The following NSD1 variants were observed in gnomAD, a reference collection of about 807,000 sequenced individuals.
NSD1 encodes histone-lysine N-methyltransferase, H3 lysine-36 specific.
A neutral mutation model predicts 242.7 loss-of-function variants in NSD1; 26 were observed. The observed-to-expected ratio is 0.11, with a 90% confidence interval of 0.08 to 0.15. NSD1 has a LOEUF of 0.15. NSD1 is among the 10% of genes least tolerant of loss of function. The pLI is 1.00. For missense variants in NSD1, 2,495 were observed against 3,272.8 expected, an observed-to-expected ratio of 0.76 and a Z score of 5.80; for synonymous variants, 1,106 against 1,178.1, an observed-to-expected ratio of 0.94 and a Z score of 1.25.
chr5:177,215,535 A>T (rs1763704590), intron 5 of NSD1, among the ~76,000 whole-genome samples: 1 of 151,326 alleles, frequency 6.6e-6, no homozygotes. Context: ...GGGTAATTCT[A>T]CTTTTATTTT....
rs781733294 is a variant in NSD1, at chr5:177,238,194, A to C, written c.3922-43A>C. 6.2e-7 allele frequency: 1 copy of C among 1,610,850 alleles called. No homozygotes were observed. The highest frequency in any genetic ancestry group is 8.5e-7 in the Non-Finnish European group (1 of 1,177,250). ...TATTCTTTTTGACACTTAAATTACA[A>C]CAATTTTGGCCTGTGGACTCTATTT... On this transcript the variant is annotated intron_variant, in intron 6 of 22. Coordinates refer to ENST00000439151, the MANE Select transcript of NSD1 (RefSeq NM_022455.5). The surrounding 1 kb of genome is among the most constrained non-coding windows in gnomAD (Gnocchi z 4.6).
chr5:177,181,606 T>C (rs1760696877), intron 2 of NSD1, among the ~76,000 whole-genome samples: 1 of 151,580 alleles, frequency 6.6e-6, no homozygotes, highest in South Asian at 2.1e-4. Context: ...TTTGTAGTTT[T>C]TGTAGAGATG....
In NSD1 at chr5:177,149,331, G is replaced by C. The variant is rs537637584; in HGVS notation, c.927+13301G>C. ...CCTGCTGAGTTCAAGCAATTCTCGTGCGTCAGCCTCTGGAGTAGCTGGGAT... is the reference window on the plus strand; with the variant it reads ...CCTGCTGAGTTCAAGCAATTCTCGTCCGTCAGCCTCTGGAGTAGCTGGGAT... On this transcript the variant is annotated intron_variant, in intron 2 of 22. Coordinates refer to ENST00000439151, the MANE Select transcript of NSD1 (RefSeq NM_022455.5). Among the ~76,000 whole-genome samples the C allele has an allele frequency of 2.0e-5, 3 of 151,562 alleles. No individual in the cohort carries two copies. In the East Asian group the frequency reaches 5.9e-4, roughly 30 times the overall value.
chr5:177,260,300 C>T, intron 14 of NSD1, 132 bp downstream of exon 14: 2 of 724,548 alleles, frequency 2.8e-6, no homozygotes, highest in Middle Eastern at 4.1e-4. Flanking sequence ...ATCTGCCATT[C>T]AGGAAATGAT....
chr5:177,171,699 A>T (rs1034562328), intron 2 of NSD1, among the ~76,000 whole-genome samples: 1 of 152,134 alleles, frequency 6.6e-6, no homozygotes, highest in Non-Finnish European at 1.5e-5. Flanking sequence ...ATTTAAGTGG[A>T]GTCATACAGT....
At chr5:177,282,408 C>T (rs771610577) in intron 18 of NSD1, 57 bp from the exon 19 acceptor site, 1 of 1,044,614 alleles carries the variant, frequency 9.6e-7, no homozygotes, top group Non-Finnish European at 1.5e-6. Context: ...AAAATGTATA[C>T]ATTTGGATAC....
intron 5 of NSD1, among the ~76,000 whole-genome samples, chr5:177,219,311 A>G (rs1764053066): frequency 6.6e-6 from 1 of 151,262 alleles, no homozygotes; most frequent in Non-Finnish European, 1.5e-5. Context: ...TCAGCCTCCC[A>G]AGTAGCTGGG....
chr5:177,265,116 A>C (rs947001626), intron 14 of NSD1: 2 of 754,464 alleles, frequency 2.7e-6, no homozygotes, highest in Non-Finnish European at 2.4e-6. Context: ...AAAGAAGCCA[A>C]AGAGAAAGTT....
intron 3 of NSD1, among the ~76,000 whole-genome samples, chr5:177,199,320 C>T (rs752910660): frequency 1.7e-4 from 26 of 152,100 alleles, no homozygotes; most frequent in African/African-American, 5.8e-4. Flanking sequence ...TGTAGTGACG[C>T]GATGTCAGCT....
At chr5:177,288,711 CTT>C (rs1562301244) in intron 20 of NSD1, 106 bp from the exon 21 acceptor site, 1 of 810,240 alleles carries the variant, frequency 1.2e-6, no homozygotes, top group East Asian at 2.6e-5. Context: ...GAGCTAAATT[CTT>C]TTTAAAATTA....
intron 2 of NSD1, among the ~76,000 whole-genome samples, chr5:177,171,040 G>A (rs546313391): frequency 8.1e-4 from 122 of 150,646 alleles, no homozygotes; most frequent in African/African-American, 2.9e-3. Context: ...AAAGGAAACC[G>A]GGCGGGGCGT....
chr5:177,253,181 G>A (rs1282288825), intron 12 of NSD1, among the ~76,000 whole-genome samples: 2 of 152,130 alleles, frequency 1.3e-5, no homozygotes, highest in African/African-American at 2.4e-5. Context: ...ATTGAAGGGT[G>A]AGTGGATAGC....
At chr5:177,151,128 A>G (rs1307004477) in intron 2 of NSD1, among the ~76,000 whole-genome samples, 1 of 152,224 alleles carries the variant, frequency 6.6e-6, no homozygotes, top group Non-Finnish European at 1.5e-5. Context: ...CTATAATCCC[A>G]GCACTTTGGG....
chr5:177,174,093 G>A (rs1025203503), intron 2 of NSD1, among the ~76,000 whole-genome samples: 4 of 151,962 alleles, frequency 2.6e-5, no homozygotes, highest in South Asian at 2.1e-4. Flanking sequence ...AAGGCCGGGC[G>A]CGGTGGCTCA....
At chr5:177,199,079 AAGTTACCTGT>A (rs1182017242) in intron 3 of NSD1, among the ~76,000 whole-genome samples, 1 of 152,236 alleles carries the variant, frequency 6.6e-6, no homozygotes, top group Non-Finnish European at 1.5e-5. Flanking sequence ...ATGGTACTTC[AAGTTACCTGT>A]AGAACCATTC....
chr5:177,211,288 C>T lies in NSD1; in HGVS notation c.2889C>T (p.His963=). Residue 963 remains histidine, a synonymous_variant, in exon 5 of 23, where the codon CAC becomes CAT. Coordinates refer to ENST00000439151, the MANE Select transcript of NSD1 (RefSeq NM_022455.5). ...TTTTGGTTTCAGGAGGCTCCACACA[C>T]AATTCAGAGAAAAAGGGAGATGGCA... ...SKVLVSGGST[H]NSEKKGDGTQ... The T allele has an allele frequency of 1.2e-6, 2 of 1,614,146 alleles. No homozygotes were observed. The highest frequency in any genetic ancestry group is 1.3e-5 in the African/African-American group (1 of 75,038).
At chr5:177,141,419 C>T (rs1338397385) in intron 2 of NSD1, among the ~76,000 whole-genome samples, 1 of 141,632 alleles carries the variant, frequency 7.1e-6, no homozygotes, top group Non-Finnish European at 1.5e-5. Flanking sequence ...CAACCTCCAT[C>T]TCCTGGGTTC....
At chr5:177,271,710 G>A (rs1281817983) in intron 16 of NSD1, among the ~76,000 whole-genome samples, 1 of 152,178 alleles carries the variant, frequency 6.6e-6, no homozygotes, top group Non-Finnish European at 1.5e-5. Context: ...CTATTTTCCT[G>A]AAAGGATGAA....
intron 2 of NSD1, among the ~76,000 whole-genome samples, chr5:177,183,535 G>A (rs528262087): frequency 1.3e-5 from 2 of 152,216 alleles, no homozygotes; most frequent in African/African-American, 4.8e-5. Flanking sequence ...ATATACATGA[G>A]ATATTTTGGT....
Sources: allele counts gnomAD v4.1 joint callset (sites outside exome capture counted in the v4.1 genomes callset), GRCh38; gene constraint gnomAD v4.1.1; non-coding constraint Gnocchi (gnomAD v3.1); transcripts MANE v1.5; gene names NCBI Gene and HGNC (gene_info 2026-07-23, HGNC 2026-07-21).